Variants in CD46 observed in about 807,000 individuals in gnomAD.
CD46 encodes CD46 molecule.
A neutral mutation model predicts 53.3 loss-of-function variants in CD46; 30 were observed. That is an observed-to-expected ratio of 0.56 (90% CI 0.42 to 0.76). CD46 has a LOEUF of 0.76. CD46 is among the 30% of genes least tolerant of loss of function. CD46 has a pLI of 0.00. For synonymous variants in CD46, 142 were observed against 152.0 expected (o/e 0.93, Z 0.48); for missense variants, 409 against 463.0 (o/e 0.88, Z 1.07).
intron 3 of CD46, among the ~76,000 whole-genome samples, chr1:207,759,149 C>T (rs1655898328): frequency 6.6e-6 from 1 of 152,132 alleles, no homozygotes; most frequent in South Asian, 2.1e-4. Flanking sequence ...TTATCTAATC[C>T]CCTAAACAAC....
intron 4 of CD46, 112 bp from the exon 5 acceptor site, chr1:207,761,137 C>A (rs1316512836): frequency 7.5e-6 from 5 of 668,502 alleles, no homozygotes; most frequent in Admixed American, 2.6e-5. Flanking sequence ...ATATTGAATT[C>A]ACAAACAGCT....
Position 207,767,849 on chromosome 1 carries a change from T to C in CD46, c.901+26T>C, listed in dbSNP as rs762222200. ...GTTTAGTAATTTCCTGCTTATAGTTTTTCAAAAATCCTTTAAATTCCTGGT... is the reference window on the plus strand; with the variant it reads ...GTTTAGTAATTTCCTGCTTATAGTTCTTCAAAAATCCTTTAAATTCCTGGT... On this transcript the variant is annotated intron_variant, in intron 7 of 12. Coordinates refer to ENST00000367042, the MANE Select transcript of CD46 (RefSeq NM_172351.3). 2.6e-6 allele frequency: 4 copies of C among 1,554,440 alleles called. No homozygotes were observed. In the African/African-American group the frequency reaches 5.4e-5, roughly 21 times the overall value.
At chr1:207,766,495 AAGAC>A (rs1199588952) in intron 5 of CD46, among the ~76,000 whole-genome samples, 1 of 152,158 alleles carries the variant, frequency 6.6e-6, no homozygotes, top group Non-Finnish European at 1.5e-5. Context: ...GAGTTTCAGA[AAGAC>A]AGGAGAGAGA....
intron 1 of CD46, among the ~76,000 whole-genome samples, chr1:207,754,856 C>CT (rs5780400): frequency 0.72 from 105,819 of 146,468 alleles, 38,375 homozygotes; most frequent in East Asian, 0.99. Context: ...AACAAAAGGA[C>CT]TTTTTTTTTT....
At chr1:207,781,711 T>C (rs1340572780) in intron 8 of CD46, among the ~76,000 whole-genome samples, 1 of 152,242 alleles carries the variant, frequency 6.6e-6, no homozygotes, top group Non-Finnish European at 1.5e-5. Flanking sequence ...CTTGTCACGC[T>C]TGTTGAAAAC....
intron 12 of CD46, among the ~76,000 whole-genome samples, chr1:207,792,752 A>T (rs1659918239): frequency 6.6e-6 from 1 of 152,238 alleles, no homozygotes; most frequent in African/African-American, 2.4e-5. Flanking sequence ...CCAGTTCAAT[A>T]GCCATGCGTG....
intron 5 of CD46, 109 bp downstream of exon 5, chr1:207,761,555 T>A: frequency 1.2e-6 from 1 of 841,438 alleles, no homozygotes; most frequent in South Asian, 1.5e-5. Flanking sequence ...CCTCCTCCTG[T>A]ATAATTGGTT....
intron 8 of CD46, among the ~76,000 whole-genome samples, chr1:207,775,909 G>T (rs1658049928): frequency 6.6e-6 from 1 of 152,228 alleles, no homozygotes; most frequent in Admixed American, 6.5e-5. Context: ...AGAGCTGTCA[G>T]ACAGGGACGT....
intron 8 of CD46, among the ~76,000 whole-genome samples, chr1:207,775,796 T>G (rs1571650252): frequency 6.6e-6 from 1 of 151,910 alleles, no homozygotes; most frequent in South Asian, 2.1e-4. Flanking sequence ...TACTGGGAGG[T>G]CTTTCCCAGT....
In CD46 at chr1:207,752,739, C is replaced by CAT. The variant is rs1478638175; in HGVS notation, c.97+431_97+432dup. Reference sequence around the variant, plus strand: ...TTGGTGCCTTGGTGAGTGGGGTGTTCATTAGGGCTTGGACAGTACCCGCGG... The same window carrying CAT: ...TTGGTGCCTTGGTGAGTGGGGTGTTCATATTAGGGCTTGGACAGTACCCGCGG... On this transcript the variant is annotated intron_variant, in intron 1 of 12. Transcript: ENST00000367042. The surrounding 1 kb of genome is among the most constrained non-coding windows in gnomAD (Gnocchi z 4.1). Among the ~76,000 whole-genome samples the CAT allele has an allele frequency of 6.6e-6, 1 of 152,020 alleles. No individual in the cohort carries two copies. Among genetic ancestry groups the CAT allele is most frequent in the Non-Finnish European group, 1.5e-5 (1 of 68,006 alleles).
Position 207,761,340 on chromosome 1 carries a change from T to A in CD46, c.567T>A (p.Tyr189Ter). Residue 189 changes from tyrosine to a stop codon, truncating the protein, a stop_gained, in exon 5 of 13, where the codon TAT (tyrosine) becomes TAA (stop). Transcript: ENST00000367042. LOFTEE classifies it high-confidence loss of function. ...EVFEYLDAVTYSCDPAPGPDP... is the reference protein window; with the variant it reads ...EVFEYLDAVT ...TTGAGTATCTTGATGCAGTAACTTA[T>A]AGTTGTGATCCTGCACCTGGACCAG... The A allele has an allele frequency of 1.2e-6, 2 of 1,612,652 alleles. No homozygotes were observed. Among genetic ancestry groups the A allele is most frequent in the Non-Finnish European group, 1.7e-6 (2 of 1,178,584 alleles).
chr1:207,790,932 C>T (rs576667039), intron 12 of CD46, among the ~76,000 whole-genome samples: 1 of 152,300 alleles, frequency 6.6e-6, no homozygotes, highest in South Asian at 2.1e-4. Context: ...TGGAATTATT[C>T]CTCTGTTTGT....
chr1:207,783,532 G>A (rs1423063800), intron 9 of CD46: 10 of 450,258 alleles, frequency 2.2e-5, no homozygotes, highest in Admixed American at 3.7e-5. Flanking sequence ...GTAATCTGTC[G>A]ATAAATTTTC....
intron 8 of CD46, among the ~76,000 whole-genome samples, chr1:207,776,346 G>A (rs926736526): frequency 3.3e-5 from 5 of 152,270 alleles, no homozygotes; most frequent in Middle Eastern, 3.4e-3. Context: ...GCGATGCCCC[G>A]CCCTCCGTGG....
At chr1:207,753,532 A>G (rs1001822259) in intron 1 of CD46, among the ~76,000 whole-genome samples, 2 of 152,156 alleles carry the variant, frequency 1.3e-5, no homozygotes, top group Admixed American at 1.3e-4. Flanking sequence ...TTAGCTGGGC[A>G]TGGTGGTTTA....
intron 8 of CD46, among the ~76,000 whole-genome samples, chr1:207,780,282 G>T (rs1325818845): frequency 6.6e-6 from 1 of 151,898 alleles, no homozygotes. Context: ...CACTTATATG[G>T]CATCCCACTA....
In CD46 at chr1:207,767,048, A is replaced by G. The variant is rs1327893185; in HGVS notation, c.709A>G (p.Lys237Glu). The part of the protein sequence containing the change: ...KCRFPVVENG[K>E]QISGFGKKFY... ...TCGATTTCCAGTAGTCGAAAATGGA[A>G]AACAGATATCAGGATTTGGAAAAAA... Residue 237 changes from lysine (K) to glutamate (E), a missense_variant, in exon 6 of 13, where the codon AAA (lysine) becomes GAA (glutamate). Coordinates refer to ENST00000367042, the MANE Select transcript of CD46 (RefSeq NM_172351.3). The G allele has an allele frequency of 1.2e-6, 2 of 1,613,726 alleles. No individual in the cohort carries two copies. The highest frequency in any genetic ancestry group is 1.1e-5 in the South Asian group (1 of 91,082).
chr1:207,754,381 C>T (rs1655273544), intron 1 of CD46, among the ~76,000 whole-genome samples: 1 of 152,112 alleles, frequency 6.6e-6, no homozygotes, highest in East Asian at 1.9e-4. Flanking sequence ...CACCCCACCT[C>T]GCGACCCCCC....
chr1:207,785,555 AGATGTT>A, intron 10 of CD46, 58 bp from the exon 11 acceptor site: 1 of 1,081,772 alleles, frequency 9.2e-7, no homozygotes, highest in South Asian at 1.2e-5. Context: ...TTCTTCTGCT[AGATGTT>A]GAATCTTGGT....
Sources: allele counts gnomAD v4.1 joint callset (sites outside exome capture counted in the v4.1 genomes callset), GRCh38; gene constraint gnomAD v4.1.1; non-coding constraint Gnocchi (gnomAD v3.1); transcripts MANE v1.5; gene names NCBI Gene and HGNC (gene_info 2026-07-23, HGNC 2026-07-21).